Variants in TGIF1 observed in about 807,000 individuals in gnomAD.
The protein encoded by TGIF1 is homeobox protein TGIF1.
A neutral mutation model predicts 19.3 loss-of-function variants in TGIF1; 4 were observed. The ratio of observed to expected loss-of-function variants is 0.21; its 90% CI spans 0.10 to 0.47. TGIF1 has a LOEUF of 0.47. Ranked by LOEUF, TGIF1 falls within the 20% of genes least tolerant of loss-of-function variation. The pLI is 0.98. For synonymous variants in TGIF1, 122 were observed against 129.3 expected (o/e 0.94, Z 0.38); for missense variants, 275 against 341.4 (o/e 0.81, Z 1.53).
chr18:3,422,699 T>TTG (rs1207558940), intron 2 of TGIF1, among the ~76,000 whole-genome samples: 1 of 142,336 alleles, frequency 7.0e-6, no homozygotes, highest in African/African-American at 2.6e-5. Flanking sequence ...TTTTTTTTTT[T>TTG]TTTTTTTTTG....
At chr18:3,450,888 GT>G (rs1227423805) in intron 1 of TGIF1, among the ~76,000 whole-genome samples, 1 of 152,024 alleles carries the variant, frequency 6.6e-6, no homozygotes, top group Non-Finnish European at 1.5e-5. Flanking sequence ...CCAGCCCCTC[GT>G]TTTTCCCGAT....
At chr18:3,412,340 C>T (rs1182373222) in intron 1 of TGIF1, 1 of 152,126 alleles carries the variant, frequency 6.6e-6, no homozygotes, top group Non-Finnish European at 1.5e-5. Flanking sequence ...AAAACATTTA[C>T]TCAACCAGGT....
upstream of TGIF1, chr18:3,448,306 G>T (rs9948401): frequency 8.0e-3 from 7,897 of 985,364 alleles, 444 homozygotes; most frequent in African/African-American, 0.12. Context: ...CCAGCGGATA[G>T]GAGCCACCAA....
upstream of TGIF1, among the ~76,000 whole-genome samples, chr18:3,447,335 A>C (rs1031382310): frequency 2.4e-5 from 3 of 125,420 alleles, no homozygotes; most frequent in African/African-American, 6.5e-5. Flanking sequence ...GAATCTATAT[A>C]CTTTAAAAAA....
rs192439935 is a variant in TGIF1, at chr18:3,458,391, A to G, written c.*451A>G. ...TTGATGCCTTTTTTTTCATGACATA[A>G]TAAAGTATTTTCTTTAAAAATTGTT... On this transcript the variant is annotated 3_prime_UTR_variant, in exon 3 of 3. Transcript: ENST00000343820. The G allele has an allele frequency of 5.9e-6, 1 of 169,148 alleles. No homozygotes were observed. The highest frequency in any genetic ancestry group is 1.8e-4 in the East Asian group (1 of 5,666). 10.5% of individuals were successfully genotyped at this position (169,148 alleles called of 1,614,324 possible). A position where few individuals can be genotyped will look rare whatever the true frequency, so the allele number is the denominator to read the frequency against.
At chr18:3,436,824 G>A (rs920680565) in intron 2 of TGIF1, among the ~76,000 whole-genome samples, 1 of 151,018 alleles carries the variant, frequency 6.6e-6, no homozygotes, top group Non-Finnish European at 1.5e-5. Flanking sequence ...AAAAAAGAGG[G>A]CTGGGTTTGG....
upstream of TGIF1, chr18:3,447,499 T>G (rs1432608678): frequency 1.6e-6 from 1 of 607,212 alleles, no homozygotes; most frequent in Non-Finnish European, 2.9e-6. Context: ...CAATTGCTGG[T>G]ATCTGAAGCC....
chr18:3,412,237 C>CCT (rs1048077049), exon 1 of TGIF1: 1 of 152,230 alleles, frequency 6.6e-6, no homozygotes, highest in Non-Finnish European at 1.5e-5. Flanking sequence ...CGCAGGAGCT[C>CCT]CTCATCGAGA....
At chr18:3,446,900 T>G (rs1477369745), upstream of TGIF1, among the ~76,000 whole-genome samples, 1 of 152,218 alleles carries the variant, frequency 6.6e-6, no homozygotes, top group Non-Finnish European at 1.5e-5. Flanking sequence ...TTTCTCCACC[T>G]AGAACACAGT....
chr18:3,414,845 G>T (rs1257369673), intron 1 of TGIF1, among the ~76,000 whole-genome samples: 6 of 152,042 alleles, frequency 3.9e-5, no homozygotes, highest in Non-Finnish European at 8.8e-5. Context: ...GGAGTTCAAG[G>T]CCAGCCTGGG....
intron 2 of TGIF1, among the ~76,000 whole-genome samples, chr18:3,440,157 G>GC (rs1240678896): frequency 1.3e-5 from 2 of 151,882 alleles, no homozygotes; most frequent in Non-Finnish European, 2.9e-5. Flanking sequence ...TTGAGACCAG[G>GC]CTGGCCAACA....
At chr18:3,447,944 G>A, upstream of TGIF1, 6 of 1,421,196 alleles carry the variant, frequency 4.2e-6, no homozygotes, top group Non-Finnish European at 4.9e-6. Context: ...CCTGAGAATC[G>A]CAGTCATTAG....
chr18:3,448,399 G>A, upstream of TGIF1: 1 of 1,009,322 alleles, frequency 9.9e-7, no homozygotes. Flanking sequence ...CCCTCCCTGC[G>A]CCACATCTGT....
chr18:3,449,389 G>A (rs1373928498), upstream of TGIF1: 3 of 985,460 alleles, frequency 3.0e-6, no homozygotes, highest in Non-Finnish European at 3.6e-6. Context: ...GCGCCCGGCC[G>A]TCCCCGGGCA....
chr18:3,445,083 A>C (rs533341336), intron 2 of TGIF1, among the ~76,000 whole-genome samples: 3 of 152,278 alleles, frequency 2.0e-5, no homozygotes, highest in African/African-American at 7.2e-5. Flanking sequence ...CACAAGAAAG[A>C]ATGATCCAGC....
In TGIF1 at chr18:3,451,763, G is replaced by A; in HGVS notation, c.16+1258G>A. 8.0e-7 allele frequency: 1 copy of A among 1,252,036 alleles called. No individual in the cohort carries two copies. The highest frequency in any genetic ancestry group is 1.0e-6 in the Non-Finnish European group (1 of 999,284). The allele number at this position is 1,252,036 out of a possible 1,614,324, so 77.6% of individuals were successfully genotyped here. ...TTAAACTTGAAACTCGGATCAACTG[G>A]CAGTCGTTGTTGGTAGAACGCCCTA... On this transcript the variant is annotated intron_variant, in intron 1 of 2. Coordinates refer to ENST00000343820, the MANE Select transcript of TGIF1 (RefSeq NM_003244.4). This position sits in a 1 kb window ranked among gnomAD's most constrained non-coding sequence, Gnocchi z 5.4.
At chr18:3,420,299 C>T (rs1284242231) in intron 2 of TGIF1, among the ~76,000 whole-genome samples, 1 of 152,012 alleles carries the variant, frequency 6.6e-6, no homozygotes, top group Non-Finnish European at 1.5e-5. Context: ...AGAAGAATCA[C>T]TTGAATCCAG....
intron 2 of TGIF1, among the ~76,000 whole-genome samples, chr18:3,426,916 CTT>C (rs545236407): frequency 0.026 from 2,589 of 100,000 alleles, 44 homozygotes; most frequent in African/African-American, 0.09. Context: ...AGGATGATCT[CTT>C]TTTTTTTTTT....
intron 2 of TGIF1, among the ~76,000 whole-genome samples, chr18:3,435,296 G>A (rs147613465): frequency 0.015 from 2,315 of 151,894 alleles, 34 homozygotes; most frequent in Middle Eastern, 0.037. Context: ...AGGTTCAAGC[G>A]ATTCTCCTTC....
Sources: allele counts gnomAD v4.1 joint callset (sites outside exome capture counted in the v4.1 genomes callset), GRCh38; gene constraint gnomAD v4.1.1; non-coding constraint Gnocchi (gnomAD v3.1); transcripts MANE v1.5; gene names NCBI Gene and HGNC (gene_info 2026-07-23, HGNC 2026-07-21).